DNMT1: variants seen among roughly 807,000 people sequenced by gnomAD.
The protein encoded by DNMT1 is DNA methyltransferase 1, also known as DNA (cytosine-5)-methyltransferase 1.
Under a neutral mutation model 205.3 loss-of-function variants are expected in DNMT1, and 24 were observed. The ratio of observed to expected loss-of-function variants is 0.12; its 90% CI spans 0.08 to 0.16. The LOEUF (loss-of-function observed/expected upper bound fraction) is 0.16. Among genes scored for constraint, DNMT1 ranks in the 10% least tolerant of loss-of-function variants. The pLI, the probability that DNMT1 is intolerant of heterozygous loss-of-function variation, is 1.00. For missense variants in DNMT1, 1,293 were observed against 2,177.7 expected, an observed-to-expected ratio of 0.59 and a Z score of 8.09; for synonymous variants, 817 against 839.8, an observed-to-expected ratio of 0.97 and a Z score of 0.47.
chr19:10,179,680 G>A (rs1289766762), intron 5 of DNMT1, among the ~76,000 whole-genome samples: 3 of 152,096 alleles, frequency 2.0e-5, no homozygotes, highest in Non-Finnish European at 4.4e-5. Context: ...ACCAAAGCCT[G>A]CTTCTAGGTT....
intron 1 of DNMT1, among the ~76,000 whole-genome samples, chr19:10,185,850 A>C (rs1273295261): frequency 1.3e-5 from 2 of 150,462 alleles, no homozygotes; most frequent in Non-Finnish European, 2.9e-5. Context: ...AAAGAAAAAA[A>C]AAAAAAAAAA....
At chr19:10,139,616 G>T in intron 34 of DNMT1, 60 bp downstream of exon 34, 1 of 1,584,032 alleles carries the variant, frequency 6.3e-7, no homozygotes, top group East Asian at 2.3e-5. Flanking sequence ...GGGATGGCTG[G>T]CTGCTGGCCG....
rs906963727 is a variant in DNMT1, at chr19:10,176,747, A to C, written c.569+545T>G. ...GCGGCGCGCGCCTGTAATCCCAGAT[A>C]CTCAGGAGGCTGAGGCAGGAGAATC... On this transcript the variant is annotated intron_variant, in intron 6 of 40. Coordinates refer to ENST00000359526, the MANE Select transcript of DNMT1 (RefSeq NM_001130823.3). Among the ~76,000 whole-genome samples the C allele has an allele frequency of 3.3e-5, 5 of 151,988 alleles. 1 individual carries two copies. The highest frequency in any genetic ancestry group is 5.9e-5 in the Non-Finnish European group (4 of 68,008).
At chr19:10,188,554 C>T (rs972938356) in intron 1 of DNMT1, among the ~76,000 whole-genome samples, 1 of 152,046 alleles carries the variant, frequency 6.6e-6, no homozygotes, top group African/African-American at 2.4e-5. Context: ...AGAGTGGACC[C>T]ACCGAAAAAT....
intron 1 of DNMT1, among the ~76,000 whole-genome samples, chr19:10,192,292 A>G (rs923247949): frequency 2.0e-5 from 3 of 152,080 alleles, no homozygotes; most frequent in Admixed American, 6.6e-5. Context: ...TCTCTTAAAA[A>G]AAAACTGAAA....
At chr19:10,145,892 G>C (rs1372287572) in intron 28 of DNMT1, among the ~76,000 whole-genome samples, 1 of 152,100 alleles carries the variant, frequency 6.6e-6, no homozygotes, top group Non-Finnish European at 1.5e-5. Context: ...GCAGTGGCAT[G>C]ATCTTGGCTC....
chr19:10,160,541 G>T, intron 13 of DNMT1, 123 bp from the exon 14 acceptor site: 1 of 1,023,218 alleles, frequency 9.8e-7, no homozygotes, highest in Non-Finnish European at 1.5e-6. Flanking sequence ...GAGGGAGGCA[G>T]TGAGAGGGCC....
chr19:10,147,525 C>T lies in DNMT1; in HGVS notation c.2721-1001G>A, dbSNP rs146397995. Among the ~76,000 whole-genome samples the T allele has an allele frequency of 1.9e-3, 282 of 152,154 alleles. 1 individual carries two copies. The highest frequency in any genetic ancestry group is 6.4e-3 in the African/African-American group (266 of 41,522). Reference sequence around the variant, plus strand: ...ACTTGGGAAGCTGAGGCAGGAGAATCACTTGAACCCAGGAGGTGGAGGTTG... The same window carrying T: ...ACTTGGGAAGCTGAGGCAGGAGAATTACTTGAACCCAGGAGGTGGAGGTTG... On this transcript the variant is annotated intron_variant, in intron 27 of 40. Coordinates refer to ENST00000359526, the MANE Select transcript of DNMT1 (RefSeq NM_001130823.3).
intron 1 of DNMT1, among the ~76,000 whole-genome samples, chr19:10,194,198 C>A (rs1426113168): frequency 6.6e-6 from 1 of 152,232 alleles, no homozygotes; most frequent in Non-Finnish European, 1.5e-5. Flanking sequence ...CATGGACTTT[C>A]CCAAGGAGCA....
Position 10,154,157 on chromosome 19 carries a change from T to C in DNMT1, c.2019+136A>G. The C allele has an allele frequency of 3.3e-6, 3 of 920,354 alleles. No homozygotes were observed. Among genetic ancestry groups the C allele is most frequent in the Non-Finnish European group, 5.3e-6 (3 of 567,414 alleles). The allele number at this position is 920,354 out of a possible 1,614,324, so 57.0% of individuals were successfully genotyped here. On this transcript the variant is annotated intron_variant, in intron 22 of 40. Coordinates refer to ENST00000359526, the MANE Select transcript of DNMT1 (RefSeq NM_001130823.3). This position sits in a 1 kb window ranked among gnomAD's most constrained non-coding sequence, Gnocchi z 6.3. ...AGTATGCAGGGTCCTCCCAGACCAC[T>C]AACTAATTTCTGTCTCAGGGGTCAC... is the stretch of plus-strand genomic sequence containing the variant.
At chr19:10,168,227 G>C in intron 10 of DNMT1, 103 bp downstream of exon 10, 1 of 1,342,888 alleles carries the variant, frequency 7.4e-7, no homozygotes, top group Non-Finnish European at 1.1e-6. Context: ...AGAGACATAT[G>C]ATTAGTGCCC....
At position 10,133,660 on chromosome 19, in the gene DNMT1, G is replaced by A; in HGVS notation, c.*7C>T. On this transcript the variant is annotated 3_prime_UTR_variant, in exon 41 of 41. Transcript: ENST00000359526. The surrounding 1 kb of genome is among the most constrained non-coding windows in gnomAD (Gnocchi z 4.1). ...GTGCCAGAAACAGGGGTGACGGGAG[G>A]GCAGAACTAGTCCTTAGCAGCTTCC... is the stretch of plus-strand genomic sequence containing the variant. 3 of 1,598,860 alleles carry A rather than the reference G, an allele frequency of 1.9e-6. No individual in the cohort carries two copies. Among genetic ancestry groups the A allele is most frequent in the Non-Finnish European group, 2.6e-6 (3 of 1,171,922 alleles).
chr19:10,137,872 C>T lies in DNMT1; in HGVS notation c.4253G>A (p.Gly1418Asp), dbSNP rs1241729369. ...CCTGAGGATGGGCTGGTACTGTGCG[C>T]CCCGGAGCTGCCTCTGGAACCAGGA... ...PQSWFQRQLR[G>D]AQYQPILRDH... Residue 1418 changes from glycine to aspartate, a missense_variant, in exon 36 of 41, where the codon GGC becomes GAC. Around this residue, in one of 13 missense-constraint regions of DNMT1, gnomAD observed 148 missense variants for 256.1 expected, o/e 0.58. Transcript: ENST00000359526. The surrounding 1 kb of genome is among the most constrained non-coding windows in gnomAD (Gnocchi z 6.4). The T allele has an allele frequency of 6.2e-7, 1 of 1,613,412 alleles. No individual in the cohort carries two copies. Among genetic ancestry groups the T allele is most frequent in the Non-Finnish European group, 8.5e-7 (1 of 1,179,942 alleles).
chr19:10,151,598 G>C lies in DNMT1; in HGVS notation c.2118-53C>G, dbSNP rs1461703811. 7 of 1,611,724 alleles carry C rather than the reference G, an allele frequency of 4.3e-6. No individual in the cohort carries two copies. The highest frequency in any genetic ancestry group is 5.1e-6 in the Non-Finnish European group (6 of 1,179,938). On this transcript the variant is annotated intron_variant, in intron 23 of 40. Coordinates refer to ENST00000359526, the MANE Select transcript of DNMT1 (RefSeq NM_001130823.3). The surrounding 1 kb of genome is among the most constrained non-coding windows in gnomAD (Gnocchi z 5.0). ...CCCCTTTTCTAAGTAAGACCAACCG[G>C]GGCTGTTTTCTTCATAACAGGGACA...
intron 13 of DNMT1, among the ~76,000 whole-genome samples, chr19:10,161,487 A>C (rs1330075522): frequency 6.6e-6 from 1 of 151,816 alleles, no homozygotes; most frequent in African/African-American, 2.4e-5. Flanking sequence ...TGTCTCTACA[A>C]AAATAGAAAG....
At chr19:10,191,988 A>AT (rs1186359512) in intron 1 of DNMT1, among the ~76,000 whole-genome samples, 4 of 151,928 alleles carry the variant, frequency 2.6e-5, no homozygotes, top group Admixed American at 2.6e-4. Flanking sequence ...TACCTGGCTA[A>AT]TTTTTTTGTA....
Position 10,184,258 on chromosome 19 carries a change from G to C in DNMT1, c.81-2181C>G, listed in dbSNP as rs376980581. Reference sequence around the variant, plus strand: ...GCTGATGTTCCTAAAGGCCTGGTGGGGGGTGGTGGCATTTTGAGGATGAAA... The same window carrying C: ...GCTGATGTTCCTAAAGGCCTGGTGGCGGGTGGTGGCATTTTGAGGATGAAA... On this transcript the variant is annotated intron_variant, in intron 1 of 40. Coordinates refer to ENST00000359526, the MANE Select transcript of DNMT1 (RefSeq NM_001130823.3). 3.9e-5 allele frequency: 6 copies of C among 152,376 alleles called. No individual in the cohort carries two copies. In the South Asian group the frequency reaches 8.3e-4, roughly 21 times the overall value. 9.4% of individuals were successfully genotyped at this position (152,376 alleles called of 1,614,324 possible).
rs1225541497 is a variant in DNMT1 at position 10,156,012 on chromosome 19, G to A, written c.1400-67C>T. 2.0e-5 allele frequency: 31 copies of A among 1,529,372 alleles called. No individual in the cohort carries two copies. The highest frequency in any genetic ancestry group is 3.8e-5 in the Admixed American group (2 of 52,656). 94.7% of individuals were successfully genotyped at this position (1,529,372 alleles called of 1,614,324 possible). A position where few individuals can be genotyped will look rare whatever the true frequency, so the allele number is the denominator to read the frequency against. Reference sequence around the variant, plus strand: ...ATCCCAAACCCAGGAGGCGCTCTAAGCGCCCACTCAGCAGACATCCCATCA... The same window carrying A: ...ATCCCAAACCCAGGAGGCGCTCTAAACGCCCACTCAGCAGACATCCCATCA... On this transcript the variant is annotated intron_variant, in intron 18 of 40. Coordinates refer to ENST00000359526, the MANE Select transcript of DNMT1 (RefSeq NM_001130823.3). This position sits in a 1 kb window ranked among gnomAD's most constrained non-coding sequence, Gnocchi z 4.2.
intron 17 of DNMT1, among the ~76,000 whole-genome samples, chr19:10,158,346 T>C (rs1568237153): frequency 6.6e-6 from 1 of 151,934 alleles, no homozygotes; most frequent in African/African-American, 2.4e-5. Flanking sequence ...AAGGATCCCA[T>C]AGAAGGAGAG....
Sources: allele counts gnomAD v4.1 joint callset (sites outside exome capture counted in the v4.1 genomes callset), GRCh38; gene constraint gnomAD v4.1.1; regional missense constraint gnomAD v4.1.1; non-coding constraint Gnocchi (gnomAD v3.1); transcripts MANE v1.5; gene names NCBI Gene and HGNC (gene_info 2026-07-23, HGNC 2026-07-21).